Variants in DLG2 observed in about 807,000 individuals in gnomAD.
The protein encoded by DLG2 is discs large MAGUK scaffold protein 2.
In DLG2, 45 loss-of-function variants were observed where a neutral mutation model predicts 132.5. The observed-to-expected ratio is 0.34, with a 90% CI of 0.27 to 0.44. The LOEUF (loss-of-function observed/expected upper bound fraction) is 0.44, where lower values mean the gene tolerates loss of function less well. Ranked by LOEUF, DLG2 falls within the 20% of genes least tolerant of loss-of-function variation. The pLI is 1.00. For missense variants in DLG2, 1,045 were observed against 1,196.9 expected (o/e 0.87, Z 1.87); for synonymous variants, 424 against 419.6 (o/e 1.01, Z -0.13).
chr11:85,595,323 T>C lies in DLG2; in HGVS notation c.40+3334A>G, dbSNP rs1044384386. 4.1e-4 allele frequency among the ~76,000 whole-genome samples: 63 copies of C among 152,248 alleles called. 1 individual carries two copies. Among genetic ancestry groups the C allele is most frequent in the African/African-American group, 1.4e-3 (60 of 41,560 alleles). On this transcript the variant is annotated intron_variant, in intron 3 of 27. Transcript: ENST00000376104. ...TAATGAACACTGATTATTATTATTT[T>C]ATTTAGCTATTCTAAACAAAGAGAC...
intron 6 of DLG2, among the ~76,000 whole-genome samples, chr11:84,969,833 C>A (rs971158433): frequency 5.3e-5 from 8 of 152,232 alleles, no homozygotes; most frequent in Non-Finnish European, 1.2e-4. Context: ...GAATACTATG[C>A]AGCCATAAAA....
intron 18 of DLG2, among the ~76,000 whole-genome samples, chr11:83,671,255 C>T (rs2076774018): frequency 6.6e-6 from 1 of 151,990 alleles, no homozygotes; most frequent in African/African-American, 2.4e-5. Context: ...TATGGCTTTC[C>T]GTTGTGAGCA....
intron 3 of DLG2, among the ~76,000 whole-genome samples, chr11:85,491,219 C>T (rs947402856): frequency 3.3e-5 from 5 of 152,060 alleles, no homozygotes; most frequent in African/African-American, 1.2e-4. Context: ...TAAAATTCAG[C>T]ATCCTTTCAT....
intron 7 of DLG2, among the ~76,000 whole-genome samples, chr11:84,330,427 T>C (rs1357393964): frequency 6.6e-6 from 1 of 152,138 alleles, no homozygotes; most frequent in Non-Finnish European, 1.5e-5. Context: ...ATAGTAAACA[T>C]TGAGGTGACA....
chr11:84,783,921 G>A (rs1335151799), intron 6 of DLG2, among the ~76,000 whole-genome samples: 1 of 151,912 alleles, frequency 6.6e-6, no homozygotes, highest in Non-Finnish European at 1.5e-5. Flanking sequence ...GGCTAAGGGA[G>A]TTGGGAAGCA....
At chr11:84,273,361 T>C in intron 7 of DLG2, 1 of 1,313,032 alleles carries the variant, frequency 7.6e-7, no homozygotes, top group African/African-American at 1.5e-5. Context: ...ACTTCTTAAT[T>C]AGATCTGCTA....
In DLG2 at chr11:85,285,296, G is replaced by A. The variant is rs1595940384; in HGVS notation, c.110C>T (p.Ala37Val). The A allele has an allele frequency of 6.2e-7, 1 of 1,611,838 alleles. No individual in the cohort carries two copies. Among genetic ancestry groups the A allele is most frequent in the Admixed American group, 1.7e-5 (1 of 59,816 alleles). Residue 37 changes from alanine (A) to valine (V), a missense_variant, in exon 4 of 28, where the codon GCC becomes GTC. Ala to Val is a moderately conservative substitution (Grantham distance 64). Coordinates refer to ENST00000376104, the MANE Select transcript of DLG2 (RefSeq NM_001142699.3). ...QKSCEQKIEE[A>V]NQVLQKWEKT... ...CTCCCATTTCTGTAAAACTTGATTG[G>A]CTTCTTCTATCTTCTGCTCACAACT...
chr11:85,427,855 C>T (rs1310914835), intron 3 of DLG2, among the ~76,000 whole-genome samples: 1 of 152,138 alleles, frequency 6.6e-6, no homozygotes, highest in Non-Finnish European at 1.5e-5. Flanking sequence ...AGTCAAGACC[C>T]ATCAGTGTGC....
chr11:85,291,636 A>G (rs1293187395), intron 3 of DLG2, among the ~76,000 whole-genome samples: 1 of 146,160 alleles, frequency 6.8e-6, no homozygotes, highest in Non-Finnish European at 1.5e-5. Flanking sequence ...CCACGTTGGA[A>G]TGCAGCAGTG....
intron 6 of DLG2, among the ~76,000 whole-genome samples, chr11:85,096,472 G>A (rs2069796745): frequency 6.6e-6 from 1 of 151,490 alleles, no homozygotes; most frequent in Admixed American, 6.6e-5. Context: ...CATTCCTGAA[G>A]TCACCGAGAC....
intron 7 of DLG2, among the ~76,000 whole-genome samples, chr11:84,495,197 C>T (rs1380209849): frequency 6.6e-6 from 1 of 152,134 alleles, no homozygotes; most frequent in African/African-American, 2.4e-5. Flanking sequence ...TCATCTTGGT[C>T]ATTCTTGCTA....
At chr11:85,240,242 A>G (rs560864278) in intron 4 of DLG2, among the ~76,000 whole-genome samples, 1 of 151,748 alleles carries the variant, frequency 6.6e-6, no homozygotes, top group Non-Finnish European at 1.5e-5. Context: ...ACATTTATTG[A>G]TGTTGTTCAT....
chr11:84,223,728 T>C (rs539795763), intron 8 of DLG2, among the ~76,000 whole-genome samples: 3 of 152,254 alleles, frequency 2.0e-5, no homozygotes, highest in Admixed American at 6.5e-5. Context: ...AGCTAATTTC[T>C]GTATTTTTAG....
At chr11:83,603,969 C>T (rs2058954498) in intron 19 of DLG2, among the ~76,000 whole-genome samples, 1 of 151,892 alleles carries the variant, frequency 6.6e-6, no homozygotes, top group African/African-American at 2.4e-5. Context: ...ATATAAGATC[C>T]CAAAGGTTTT....
intron 6 of DLG2, among the ~76,000 whole-genome samples, chr11:84,737,496 AAGAGACAG>A (rs2063997010): frequency 8.1e-6 from 1 of 123,480 alleles, no homozygotes; most frequent in African/African-American, 2.8e-5. Flanking sequence ...GAGAGAAAGA[AAGAGACAG>A]AGAGAGAGAG....
chr11:84,089,074 G>GT lies in DLG2; in HGVS notation c.749+9848dup, dbSNP rs1478083903. 6.6e-5 allele frequency among the ~76,000 whole-genome samples: 10 copies of GT among 152,230 alleles called. No individual in the cohort carries two copies. In the East Asian group the frequency reaches 9.7e-4, roughly 15 times the overall value. ...CAGGTTGGATGTTGTGACTTGTGGG[G>GT]TTTTTTTATTTGCAATCACCCAAAC... On this transcript the variant is annotated intron_variant, in intron 10 of 27. Coordinates refer to ENST00000376104, the MANE Select transcript of DLG2 (RefSeq NM_001142699.3).
chr11:84,996,597 A>G (rs982482308), intron 6 of DLG2, among the ~76,000 whole-genome samples: 2 of 152,156 alleles, frequency 1.3e-5, no homozygotes, highest in Non-Finnish European at 2.9e-5. Context: ...TCTTTTTATA[A>G]TGTCCTATAG....
At chr11:85,132,361 C>T (rs1023843583) in intron 5 of DLG2, among the ~76,000 whole-genome samples, 1 of 152,066 alleles carries the variant, frequency 6.6e-6, no homozygotes, top group African/African-American at 2.4e-5. Flanking sequence ...TCTTCAAACA[C>T]AGAAGACATG....
intron 11 of DLG2, among the ~76,000 whole-genome samples, chr11:83,989,427 T>A (rs1024105462): frequency 6.6e-6 from 1 of 152,170 alleles, no homozygotes; most frequent in Non-Finnish European, 1.5e-5. Context: ...AACTGTCAGG[T>A]TGTTGGGAAA....
Sources: allele counts gnomAD v4.1 joint callset (sites outside exome capture counted in the v4.1 genomes callset), GRCh38; gene constraint gnomAD v4.1.1; transcripts MANE v1.5; gene names NCBI Gene and HGNC (gene_info 2026-07-23, HGNC 2026-07-21).